The following ELP4 variants were observed in gnomAD, a reference collection of about 807,000 sequenced individuals.
ELP4 encodes the protein elongator complex protein 4.
In ELP4, 51 loss-of-function variants were observed where a neutral mutation model predicts 48.9. That is an observed-to-expected ratio of 1.04 (90% CI 0.83 to 1.32). The LOEUF (loss-of-function observed/expected upper bound fraction) is 1.32, where lower values mean the gene tolerates loss of function less well. Ranked by LOEUF, ELP4 falls within the 40% of genes most tolerant of loss-of-function variation. The pLI, the probability that ELP4 is intolerant of heterozygous loss-of-function variation, is 0.00. For synonymous variants in ELP4, 210 were observed against 189.2 expected, an observed-to-expected ratio of 1.11 and a Z score of -0.90; for missense variants, 519 against 514.6, an observed-to-expected ratio of 1.01 and a Z score of -0.08.
chr11:31,620,913 T>G (rs1944606915), intron 5 of ELP4, among the ~76,000 whole-genome samples: 1 of 151,898 alleles, frequency 6.6e-6, no homozygotes, highest in Non-Finnish European at 1.5e-5. Context: ...ATGTTCTTAG[T>G]TGAACATCCA....
At chr11:31,741,966 C>T (rs749321163) in intron 9 of ELP4, among the ~76,000 whole-genome samples, 1 of 151,964 alleles carries the variant, frequency 6.6e-6, no homozygotes, top group African/African-American at 2.4e-5. Flanking sequence ...GGAGGAAATT[C>T]GAACCAATGG....
At chr11:31,654,721 G>T (rs902530514) in intron 9 of ELP4, 1 of 151,762 alleles carries the variant, frequency 6.6e-6, no homozygotes, top group African/African-American at 2.4e-5. Flanking sequence ...TTCATGATAT[G>T]TTTGGTCCTA....
intron 9 of ELP4, among the ~76,000 whole-genome samples, chr11:31,762,474 T>C (rs968562658): frequency 6.6e-6 from 1 of 152,084 alleles, no homozygotes; most frequent in East Asian, 1.9e-4. Context: ...AAATAACCTT[T>C]AGACTTCAAA....
intron 9 of ELP4, among the ~76,000 whole-genome samples, chr11:31,759,440 C>T (rs1947900072): frequency 6.6e-6 from 1 of 152,210 alleles, no homozygotes; most frequent in Non-Finnish European, 1.5e-5. Context: ...ATATATCATT[C>T]ATGGATATGC....
At chr11:31,706,052 G>T (rs1946624015) in intron 9 of ELP4, among the ~76,000 whole-genome samples, 1 of 151,736 alleles carries the variant, frequency 6.6e-6, no homozygotes, top group South Asian at 2.1e-4. Flanking sequence ...GGATTTCCAA[G>T]GCTGGTCATG....
intron 9 of ELP4, among the ~76,000 whole-genome samples, chr11:31,759,711 CTT>C (rs371425015): frequency 6.3e-5 from 9 of 143,290 alleles, no homozygotes; most frequent in African/African-American, 7.7e-5. Flanking sequence ...TTTCTTTTTT[CTT>C]TTTTTTTTTT....
At chr11:31,733,009 C>T (rs1282570318) in intron 9 of ELP4, among the ~76,000 whole-genome samples, 7 of 152,096 alleles carry the variant, frequency 4.6e-5, no homozygotes, top group Non-Finnish European at 1.0e-4. Flanking sequence ...ATAGAAGAGA[C>T]AGAAGCTTGG....
chr11:31,762,945 G>A (rs899055829), intron 9 of ELP4, among the ~76,000 whole-genome samples: 1 of 151,614 alleles, frequency 6.6e-6, no homozygotes, highest in African/African-American at 2.4e-5. Context: ...ATTAAATATA[G>A]AAATGAGCAG....
At chr11:31,690,424 A>G (rs954861156) in intron 9 of ELP4, among the ~76,000 whole-genome samples, 1 of 151,928 alleles carries the variant, frequency 6.6e-6, no homozygotes, top group African/African-American at 2.4e-5. Flanking sequence ...CTTTTTCCTA[A>G]AAAAAAATAT....
chr11:31,533,368 C>CTTTTTTTTTTTTTTTT (rs71060492), intron 2 of ELP4, among the ~76,000 whole-genome samples: 1,276 of 50,496 alleles, frequency 0.025, 250 homozygotes, highest in Non-Finnish European at 0.026. Flanking sequence ...CCATCTCATT[C>CTTTTTTTTTTTTTTTT]TTTTTTTTTT....
intron 1 of ELP4, among the ~76,000 whole-genome samples, chr11:31,519,504 G>A (rs1043199599): frequency 2.0e-5 from 3 of 152,154 alleles, no homozygotes; most frequent in African/African-American, 7.2e-5. Context: ...AAGAAAGGAG[G>A]ATAGTACAGT....
rs560377425 is a variant in ELP4 at position 31,562,167 on chromosome 11, G to A, written c.381+22384G>A. 3.9e-5 allele frequency among the ~76,000 whole-genome samples: 6 copies of A among 152,210 alleles called. No individual in the cohort carries two copies. The South Asian group carries it at 6.2e-4, about 16-fold the overall frequency. ...TAGAACCCAGGGATTAATTACATACGGAAATTGTTTTGAGATCTTTTGTGA... is the reference window on the plus strand; with the variant it reads ...TAGAACCCAGGGATTAATTACATACAGAAATTGTTTTGAGATCTTTTGTGA... On this transcript the variant is annotated intron_variant, in intron 3 of 9. Transcript: ENST00000640961.
In ELP4 at chr11:31,654,973, A is replaced by G. The variant is rs190894198; in HGVS notation, c.1143+4752A>G. 72 of 107,752 alleles carry G rather than the reference A, an allele frequency of 6.7e-4. No homozygotes were observed. In the East Asian group the frequency reaches 0.016, roughly 24 times the overall value. The allele number at this position is 107,752 out of a possible 1,614,324, so 6.7% of individuals were successfully genotyped here. A position where few individuals can be genotyped will look rare whatever the true frequency, so the allele number is the denominator to read the frequency against. ...ACTACAAATATTGTTTGCTGTTTCA[A>G]CTAGCTTTTATTCCTAGATAACACT... On this transcript the variant is annotated intron_variant, in intron 9 of 9. Transcript: ENST00000640961.
rs560844102 is a variant in ELP4 at position 31,783,803 on chromosome 11, G to T, written c.*279G>T. The T allele has an allele frequency of 3.6e-6, 1 of 277,684 alleles. No individual in the cohort carries two copies. Among genetic ancestry groups the T allele is most frequent in the South Asian group, 7.3e-5 (1 of 13,696 alleles). 17.2% of individuals were successfully genotyped at this position (277,684 alleles called of 1,614,324 possible). A position where few individuals can be genotyped will look rare whatever the true frequency, so the allele number is the denominator to read the frequency against. ...TCAAGATTCCTGACAGTGGTCATTCGTGTGTGTACTAAGGCATTTAGTGTC... is the reference window on the plus strand; with the variant it reads ...TCAAGATTCCTGACAGTGGTCATTCTTGTGTGTACTAAGGCATTTAGTGTC... On this transcript the variant is annotated 3_prime_UTR_variant, in exon 10 of 10. Coordinates refer to ENST00000640961, the MANE Select transcript of ELP4 (RefSeq NM_019040.5).
chr11:31,785,659 A>G lies in ELP4; in HGVS notation c.*2135A>G, dbSNP rs1343227624. On this transcript the variant is annotated 3_prime_UTR_variant, in exon 10 of 10. Coordinates refer to ENST00000640961, the MANE Select transcript of ELP4 (RefSeq NM_019040.5). The stretch of plus-strand genomic sequence containing the variant: ...TGGGCCGGCTTTGTAAAAATAAGCT[A>G]CTGGAGAGGGGTGTGTATTTTTGTC... The G allele has an allele frequency of 5.1e-6, 1 of 195,014 alleles. No homozygotes were observed. Among genetic ancestry groups the G allele is most frequent in the Non-Finnish European group, 1.1e-5 (1 of 93,882 alleles). 12.1% of individuals were successfully genotyped at this position (195,014 alleles called of 1,614,324 possible).
intron 9 of ELP4, among the ~76,000 whole-genome samples, chr11:31,680,276 A>C (rs1946028023): frequency 6.6e-6 from 1 of 152,206 alleles, no homozygotes. Context: ...ATTGTGAAGA[A>C]AATTAAGCAC....
intron 5 of ELP4, among the ~76,000 whole-genome samples, chr11:31,615,376 G>T (rs1237346697): frequency 6.6e-6 from 1 of 151,916 alleles, no homozygotes; most frequent in African/African-American, 2.4e-5. Context: ...TACATCAAAA[G>T]AAATGTAAAC....
intron 9 of ELP4, among the ~76,000 whole-genome samples, chr11:31,746,029 TCAAA>T (rs1947582171): frequency 6.6e-6 from 1 of 151,956 alleles, no homozygotes; most frequent in South Asian, 2.1e-4. Flanking sequence ...TACAATGAAC[TCAAA>T]CAAATTTACA....
intron 9 of ELP4, among the ~76,000 whole-genome samples, chr11:31,711,474 A>C (rs2134172020): frequency 6.6e-6 from 1 of 152,280 alleles, no homozygotes; most frequent in East Asian, 1.9e-4. Flanking sequence ...TGAACTAATA[A>C]TTATCTCCTC....
Sources: gnomAD v4.1 joint callset for allele counts (sites outside exome capture counted in the v4.1 genomes callset) on GRCh38, gnomAD v4.1.1 for gene constraint, MANE v1.5 for transcripts, NCBI Gene and HGNC (gene_info 2026-07-23, HGNC 2026-07-21) for gene names.